Variants in RRAGD observed in about 807,000 individuals in gnomAD.
The protein encoded by RRAGD is ras-related GTP-binding protein D.
A neutral mutation model predicts 35.5 loss-of-function variants in RRAGD; 12 were observed. The ratio of observed to expected loss-of-function variants is 0.34; its 90% CI spans 0.22 to 0.55. The LOEUF is 0.55. Among genes scored for constraint, RRAGD ranks in the 20% least tolerant of loss-of-function variants. The pLI is 0.91. For synonymous variants in RRAGD, 155 were observed against 178.9 expected, an observed-to-expected ratio of 0.87 and a Z score of 1.07; for missense variants, 324 against 490.1, an observed-to-expected ratio of 0.66 and a Z score of 3.20.
At chr6:89,373,511 G>T (rs1018116841) in intron 5 of RRAGD, among the ~76,000 whole-genome samples, 1 of 151,816 alleles carries the variant, frequency 6.6e-6, no homozygotes, top group Non-Finnish European at 1.5e-5. Flanking sequence ...CCAGCTACTC[G>T]GGAGGCTGAG....
chr6:89,388,200 CCA>C (rs1410987590), intron 1 of RRAGD, among the ~76,000 whole-genome samples: 1 of 152,172 alleles, frequency 6.6e-6, no homozygotes, highest in Non-Finnish European at 1.5e-5. Flanking sequence ...GGGCCCCCAT[CCA>C]GTAAGGTAGC....
chr6:89,399,512 C>T (rs1769409933), intron 1 of RRAGD, among the ~76,000 whole-genome samples: 1 of 152,146 alleles, frequency 6.6e-6, no homozygotes, highest in African/African-American at 2.4e-5. Flanking sequence ...TGGCTCATGC[C>T]TATAATCCCA....
intron 1 of RRAGD, among the ~76,000 whole-genome samples, chr6:89,403,914 T>A (rs1769529371): frequency 6.6e-6 from 1 of 152,174 alleles, no homozygotes. Flanking sequence ...CACCTTGGCA[T>A]CCCAAAGTGT....
chr6:89,381,490 C>T (rs1769042533), intron 2 of RRAGD, among the ~76,000 whole-genome samples: 1 of 152,162 alleles, frequency 6.6e-6, no homozygotes, highest in Non-Finnish European at 1.5e-5. Context: ...TATCCCTCTA[C>T]CCCCTCATCC....
intron 2 of RRAGD, among the ~76,000 whole-genome samples, chr6:89,386,847 T>C (rs1019867586): frequency 6.6e-6 from 1 of 152,206 alleles, no homozygotes; most frequent in Admixed American, 6.5e-5. Flanking sequence ...ATAAAATACA[T>C]AATTATATTA....
chr6:89,402,561 G>C (rs16881834), intron 1 of RRAGD, among the ~76,000 whole-genome samples: 3,150 of 152,212 alleles, frequency 0.021, 107 homozygotes, highest in African/African-American at 0.071. Flanking sequence ...CAGAAGCCCT[G>C]GGTTCCTGAC....
chr6:89,383,882 G>C (rs1217583427), intron 2 of RRAGD, among the ~76,000 whole-genome samples: 1 of 152,128 alleles, frequency 6.6e-6, no homozygotes, highest in Admixed American at 6.5e-5. Flanking sequence ...TCAGCACTTT[G>C]GGAGGCCGAG....
intron 1 of RRAGD, among the ~76,000 whole-genome samples, chr6:89,393,394 G>A (rs942791374): frequency 2.6e-5 from 4 of 152,172 alleles, no homozygotes; most frequent in African/African-American, 9.7e-5. Flanking sequence ...GAATAACAGT[G>A]AAAACAGCCA....
At chr6:89,391,147 G>A (rs929501374) in intron 1 of RRAGD, among the ~76,000 whole-genome samples, 4 of 152,110 alleles carry the variant, frequency 2.6e-5, no homozygotes, top group African/African-American at 7.2e-5. Context: ...TACTTTGGGA[G>A]GCTGAGGCAG....
chr6:89,397,552 C>T (rs1343018560), intron 1 of RRAGD, among the ~76,000 whole-genome samples: 1 of 150,506 alleles, frequency 6.6e-6, no homozygotes, highest in African/African-American at 2.4e-5. Context: ...TGCAGTGAGC[C>T]GAGATCGCGC....
chr6:89,395,448 G>A (rs1769315260), intron 1 of RRAGD, among the ~76,000 whole-genome samples: 1 of 152,090 alleles, frequency 6.6e-6, no homozygotes, highest in Non-Finnish European at 1.5e-5. Flanking sequence ...ATCTGTCAAT[G>A]AAAATAAGTA....
chr6:89,385,588 A>T (rs948462379), intron 2 of RRAGD, among the ~76,000 whole-genome samples: 1 of 152,228 alleles, frequency 6.6e-6, no homozygotes, highest in Non-Finnish European at 1.5e-5. Context: ...AAAACAGGTC[A>T]GTACAAGTGG....
intron 1 of RRAGD, among the ~76,000 whole-genome samples, chr6:89,389,636 A>T (rs2127891764): frequency 6.6e-6 from 1 of 152,166 alleles, no homozygotes; most frequent in East Asian, 1.9e-4. Context: ...TTCTTGAAAC[A>T]TATAGTATTA....
At chr6:89,401,655 C>G (rs1769464279) in intron 1 of RRAGD, among the ~76,000 whole-genome samples, 1 of 152,074 alleles carries the variant, frequency 6.6e-6, no homozygotes, top group South Asian at 2.1e-4. Flanking sequence ...GCAACACTGG[C>G]CTTCCAGAAG....
At chr6:89,403,026 C>G (rs1376319571) in intron 1 of RRAGD, among the ~76,000 whole-genome samples, 1 of 152,188 alleles carries the variant, frequency 6.6e-6, no homozygotes, top group African/African-American at 2.4e-5. Flanking sequence ...ATGTTTCAGT[C>G]AAGCAGGCTG....
intron 2 of RRAGD, 22 bp downstream of exon 2, chr6:89,387,273 C>T: frequency 2.5e-6 from 4 of 1,604,356 alleles, no homozygotes; most frequent in Non-Finnish European, 3.4e-6. Context: ...GGCCATCATA[C>T]CCCTGAGACT....
chr6:89,407,156 AGAAG>A lies in RRAGD; in HGVS notation c.148+4686_148+4689del, dbSNP rs1769596466. Among the ~76,000 whole-genome samples the A allele has an allele frequency of 3.9e-5, 6 of 152,330 alleles. No homozygotes were observed. In the South Asian group the frequency reaches 1.2e-3, roughly 32 times the overall value. ...GTCTTTCTCAGAGGACCACAAGAGG[AGAAG>A]GTCGACCAGCAAGCACCCTGGACCC... On this transcript the variant is annotated intron_variant, in intron 1 of 6. Transcript: ENST00000369415.
chr6:89,409,151 G>C (rs183860149), intron 1 of RRAGD, among the ~76,000 whole-genome samples: 2 of 152,318 alleles, frequency 1.3e-5, no homozygotes, highest in Admixed American at 6.5e-5. Context: ...AGGCATACTC[G>C]GTTTAAAAAT....
At chr6:89,397,242 G>A (rs1769354456) in intron 1 of RRAGD, among the ~76,000 whole-genome samples, 1 of 152,156 alleles carries the variant, frequency 6.6e-6, no homozygotes, top group South Asian at 2.1e-4. Context: ...ACAAGTGTTG[G>A]CAAGGATGTG....
Sources: allele counts gnomAD v4.1 joint callset (sites outside exome capture counted in the v4.1 genomes callset), GRCh38; gene constraint gnomAD v4.1.1; transcripts MANE v1.5; gene names NCBI Gene and HGNC (gene_info 2026-07-23, HGNC 2026-07-21).